The following DCC variants were observed in gnomAD, a reference collection of about 807,000 sequenced individuals.
The protein encoded by DCC is DCC netrin 1 receptor.
Under a neutral mutation model 172.5 loss-of-function variants are expected in DCC, and 58 were observed. The observed-to-expected ratio is 0.34, with a 90% confidence interval of 0.27 to 0.42. The LOEUF (loss-of-function observed/expected upper bound fraction) is 0.42, where lower values mean the gene tolerates loss of function less well. DCC is among the 10% of genes least tolerant of loss of function. The pLI, the probability that DCC is intolerant of heterozygous loss-of-function variation, is 1.00. For missense variants in DCC, 1,740 were observed against 1,791.0 expected, an observed-to-expected ratio of 0.97 and a Z score of 0.51; for synonymous variants, 709 against 644.5, an observed-to-expected ratio of 1.10 and a Z score of -1.52.
intron 1 of DCC, among the ~76,000 whole-genome samples, chr18:52,561,068 G>A (rs1471883518): frequency 6.6e-6 from 1 of 152,002 alleles, no homozygotes; most frequent in East Asian, 1.9e-4. Context: ...CTGATATATA[G>A]GAAAAGAATA....
At position 52,456,989 on chromosome 18, in the gene DCC, A is replaced by G. The variant is rs184692428; in HGVS notation, c.91+116111A>G. On this transcript the variant is annotated intron_variant, in intron 1 of 28. Transcript: ENST00000442544. Reference sequence around the variant, plus strand: ...AAATAGTATTTCCACTCTGGTTTGTATTGAAGTGAATAGAATCCCAATTAT... The same window carrying G: ...AAATAGTATTTCCACTCTGGTTTGTGTTGAAGTGAATAGAATCCCAATTAT... Among the ~76,000 whole-genome samples, 9 of 152,000 alleles carry G rather than the reference A, an allele frequency of 5.9e-5. No individual in the cohort carries two copies. The East Asian group carries it at 1.7e-3, about 29-fold the overall frequency.
At chr18:52,848,403 T>C (rs1175893335) in intron 2 of DCC, among the ~76,000 whole-genome samples, 1 of 152,142 alleles carries the variant, frequency 6.6e-6, no homozygotes, top group Non-Finnish European at 1.5e-5. Context: ...TCTAATGTTT[T>C]TGATTTTTAC....
At chr18:53,330,876 A>G (rs2057523338) in intron 14 of DCC, among the ~76,000 whole-genome samples, 1 of 152,208 alleles carries the variant, frequency 6.6e-6, no homozygotes, top group Non-Finnish European at 1.5e-5. Flanking sequence ...TTCTCAATAG[A>G]CTTGAAACAA....
intron 1 of DCC, among the ~76,000 whole-genome samples, chr18:52,635,493 T>A (rs2034758247): frequency 6.6e-6 from 1 of 152,222 alleles, no homozygotes; most frequent in Admixed American, 6.5e-5. Context: ...TTATTTGAAT[T>A]ACATGAAATT....
At chr18:52,888,891 C>T (rs1044074481) in intron 2 of DCC, among the ~76,000 whole-genome samples, 3 of 151,738 alleles carry the variant, frequency 2.0e-5, no homozygotes, top group African/African-American at 7.3e-5. Context: ...ATACACACAC[C>T]CCTCTTTACA....
intron 1 of DCC, among the ~76,000 whole-genome samples, chr18:52,662,031 G>A (rs901998125): frequency 2.0e-5 from 3 of 152,142 alleles, no homozygotes; most frequent in Non-Finnish European, 4.4e-5. Flanking sequence ...TAGATAAGAA[G>A]ACAAATATAG....
At chr18:52,448,104 G>A (rs1471527655) in intron 1 of DCC, among the ~76,000 whole-genome samples, 1 of 152,166 alleles carries the variant, frequency 6.6e-6, no homozygotes, top group Non-Finnish European at 1.5e-5. Context: ...GGAGGGGAGT[G>A]GTAGGTGAGC....
intron 7 of DCC, among the ~76,000 whole-genome samples, chr18:53,122,819 C>A (rs993193843): frequency 2.0e-5 from 3 of 152,032 alleles, no homozygotes; most frequent in Non-Finnish European, 2.9e-5. Context: ...TTGGGTATTT[C>A]CCATGTTTTG....
At chr18:52,725,876 G>A (rs933226343) in intron 1 of DCC, among the ~76,000 whole-genome samples, 4 of 152,126 alleles carry the variant, frequency 2.6e-5, no homozygotes, top group Non-Finnish European at 4.4e-5. Context: ...GCACTAGTGG[G>A]TCTTGATCTA....
intron 1 of DCC, among the ~76,000 whole-genome samples, chr18:52,500,247 T>G (rs2030967225): frequency 1.3e-5 from 2 of 152,108 alleles, no homozygotes; most frequent in South Asian, 4.1e-4. Context: ...GTCAAATGCC[T>G]GCAAACAATG....
chr18:53,459,399 C>T lies in DCC; in HGVS notation c.3560C>T (p.Thr1187Ile). The change falls in exon 24 of 29, where the codon ACA becomes ATA. Residue 1187 changes from threonine (T) to isoleucine (I), a missense_variant. By Grantham distance (89) the Thr-to-Ile change is moderately conservative (BLOSUM62 -1). Transcript: ENST00000442544. ...DSPIQSCQDL[T>I]PVSHSQSETQ... ...CCCATCCAAAGTTGCCAAGACCTCA[C>T]ACCAGTCAGCCACAGCCAGTCAGAA... The T allele has an allele frequency of 1.9e-6, 3 of 1,614,062 alleles. No individual in the cohort carries two copies. Among genetic ancestry groups the T allele is most frequent in the South Asian group, 1.1e-5 (1 of 91,076 alleles).
intron 15 of DCC, among the ~76,000 whole-genome samples, chr18:53,365,828 T>A (rs1269348018): frequency 6.6e-6 from 1 of 152,210 alleles, no homozygotes; most frequent in Non-Finnish European, 1.5e-5. Flanking sequence ...CCAACATGAA[T>A]ATCTTTCACA....
chr18:53,113,577 C>T (rs1325746395), intron 7 of DCC, among the ~76,000 whole-genome samples: 1 of 151,116 alleles, frequency 6.6e-6, no homozygotes, highest in African/African-American at 2.4e-5. Flanking sequence ...TAGTATAAAT[C>T]CTATTATTCT....
At chr18:52,948,390 T>C (rs1269993477) in intron 5 of DCC, among the ~76,000 whole-genome samples, 1 of 152,120 alleles carries the variant, frequency 6.6e-6, no homozygotes, top group Admixed American at 6.5e-5. Flanking sequence ...TCATTATGAA[T>C]GATATTGAAC....
chr18:52,417,888 C>T (rs952195317), intron 1 of DCC, among the ~76,000 whole-genome samples: 8 of 152,220 alleles, frequency 5.3e-5, no homozygotes, highest in Admixed American at 3.9e-4. Context: ...AGTCATTCTC[C>T]GTCCAGCTTT....
intron 5 of DCC, among the ~76,000 whole-genome samples, chr18:53,041,771 T>A (rs1247570027): frequency 6.6e-6 from 1 of 152,114 alleles, no homozygotes; most frequent in Admixed American, 6.6e-5. Flanking sequence ...TTATTCTCTT[T>A]GTAGCATTTG....
At chr18:52,664,476 C>CTTTTTTTTTTTTTTT (rs374796439) in intron 1 of DCC, among the ~76,000 whole-genome samples, 1 of 112,464 alleles carries the variant, frequency 8.9e-6, no homozygotes, top group Non-Finnish European at 1.7e-5. Context: ...TTTTCTTTTT[C>CTTTTTTTTTTTTTTT]TTTTTTTTTT....
At chr18:52,643,959 T>TG (rs869246992) in intron 1 of DCC, among the ~76,000 whole-genome samples, 1 of 6,330 alleles carries the variant, frequency 1.6e-4, no homozygotes, top group Non-Finnish European at 5.2e-4. Flanking sequence ...AGTATTTTGG[T>TG]TTTTTTTTTC....
chr18:52,733,960 A>G (rs2036685751), intron 1 of DCC, among the ~76,000 whole-genome samples: 1 of 152,172 alleles, frequency 6.6e-6, no homozygotes, highest in Admixed American at 6.5e-5. Context: ...CTATATTTCA[A>G]TATAATTAAT....
Sources: allele counts gnomAD v4.1 joint callset (sites outside exome capture counted in the v4.1 genomes callset), GRCh38; gene constraint gnomAD v4.1.1; transcripts MANE v1.5; gene names NCBI Gene and HGNC (gene_info 2026-07-23, HGNC 2026-07-21).